The following FGF13 variants were observed in gnomAD, a reference collection of about 807,000 sequenced individuals.
FGF13 encodes the protein fibroblast growth factor 13.
In FGF13, 2 loss-of-function variants were observed where a neutral mutation model predicts 19.5. The observed-to-expected ratio is 0.10, with a 90% confidence interval of 0.04 to 0.32. FGF13 has a LOEUF of 0.32. Ranked by LOEUF, FGF13 falls within the 10% of genes least tolerant of loss-of-function variation. The pLI, the probability that FGF13 is intolerant of heterozygous loss-of-function variation, is 1.00. For missense variants in FGF13, 113 were observed against 192.7 expected, an observed-to-expected ratio of 0.59 and a Z score of 2.45; for synonymous variants, 72 against 76.9, an observed-to-expected ratio of 0.94 and a Z score of 0.33.
At chrX:138,905,699 C>T (rs1166204993) in intron 1 of FGF13, among the ~76,000 whole-genome samples, 3 of 112,447 alleles carry the variant, frequency 2.7e-5, no homozygotes, top group African/African-American at 6.5e-5. Context: ...GAAGCCCTGA[C>T]ATGCTCTGGC....
At chrX:139,033,966 G>A (rs2092241220) in intron 1 of FGF13, among the ~76,000 whole-genome samples, 1 of 111,760 alleles carries the variant, frequency 8.9e-6, no homozygotes, top group African/African-American at 3.2e-5. Flanking sequence ...GTAATGTCCA[G>A]CTACAGGGTC....
Position 138,619,178 on chromosome X carries a change from A to G in FGF13, c.*13672T>C, listed in dbSNP as rs1435174246. ...TGCTACATGAGAACACAGACAAAGA[A>G]GTCAGTAGAATCAGGAAAACAATGT... is the stretch of plus-strand genomic sequence containing the variant. On this transcript the variant is annotated 3_prime_UTR_variant, in exon 5 of 5. Transcript: ENST00000315930. 8.9e-6 allele frequency: 1 copy of G among 112,108 alleles called. No homozygotes were observed. Among genetic ancestry groups the G allele is most frequent in the Non-Finnish European group, 1.9e-5 (1 of 53,342 alleles). The allele number at this position is 112,108 out of a possible 1,213,427, so 9.2% of individuals were successfully genotyped here. A position where few individuals can be genotyped will look rare whatever the true frequency, so the allele number is the denominator to read the frequency against.
At position 139,034,768 on chromosome X, in the gene FGF13, G is replaced by GA. The variant is rs765867596; in HGVS notation, c.-113+168647dup. ...TCTTCTAAGGATAGATGAATGCTCT[G>GA]AAAAAATCAAAGGTTTTGTGATGTT... On this transcript the variant is annotated intron_variant, in intron 1 of 2. Transcript: ENST00000421460. 8.9e-5 allele frequency among the ~76,000 whole-genome samples: 10 copies of GA among 111,815 alleles called. No homozygotes were observed. The South Asian group carries it at 2.6e-3, about 29-fold the overall frequency.
At chrX:139,031,209 A>G in intron 1 of FGF13, among the ~76,000 whole-genome samples, 1 of 105,180 alleles carries the variant, frequency 9.5e-6, no homozygotes, top group African/African-American at 3.5e-5. Flanking sequence ...CTGGATTTTG[A>G]GGCAAAAAAA....
At chrX:138,741,812 C>G (rs2090320270), upstream of FGF13, among the ~76,000 whole-genome samples, 1 of 111,980 alleles carries the variant, frequency 8.9e-6, no homozygotes, top group African/African-American at 3.2e-5. Flanking sequence ...CTCACCTGTT[C>G]TATTTAGCAT....
At chrX:138,951,763 C>A (rs1254743442) in intron 1 of FGF13, among the ~76,000 whole-genome samples, 2 of 111,757 alleles carry the variant, frequency 1.8e-5, no homozygotes, top group Non-Finnish European at 3.8e-5. Flanking sequence ...GGTGCATACA[C>A]AACTCTCATA....
At chrX:139,104,220 A>G (rs915598237) in intron 1 of FGF13, among the ~76,000 whole-genome samples, 1 of 111,289 alleles carries the variant, frequency 9.0e-6, no homozygotes, top group Non-Finnish European at 1.9e-5. Flanking sequence ...ACAATAATAG[A>G]GAGGGTGAAG....
intron 1 of FGF13, among the ~76,000 whole-genome samples, chrX:138,933,028 G>C (rs760717507): frequency 2.2e-4 from 24 of 111,541 alleles, no homozygotes; most frequent in Non-Finnish European, 4.0e-4. Context: ...TGTTCTGTCT[G>C]TAAAAGAGAG....
chrX:139,150,503 C>T (rs2083926067), intron 1 of FGF13, among the ~76,000 whole-genome samples: 1 of 111,850 alleles, frequency 8.9e-6, no homozygotes, highest in South Asian at 3.7e-4. Flanking sequence ...AAAGAGAAGG[C>T]TTTGTTTGGA....
chrX:138,963,600 C>T (rs2091883535), intron 1 of FGF13, among the ~76,000 whole-genome samples: 1 of 112,275 alleles, frequency 8.9e-6, no homozygotes, highest in African/African-American at 3.2e-5. Flanking sequence ...GCAAGGAGAA[C>T]ATAAACCAAA....
upstream of FGF13, among the ~76,000 whole-genome samples, chrX:138,741,612 G>A (rs1281969962): frequency 9.0e-6 from 1 of 111,214 alleles, no homozygotes; most frequent in African/African-American, 3.3e-5. Flanking sequence ...CTCGTCATCA[G>A]AGTGGCTGGT....
chrX:138,816,452 G>T (rs1393076232), intron 3 of FGF13, among the ~76,000 whole-genome samples: 2 of 111,972 alleles, frequency 1.8e-5, no homozygotes, highest in Non-Finnish European at 3.8e-5. Flanking sequence ...CCCAGCAATC[G>T]CACTCATCAG....
chrX:138,624,175 T>C lies in FGF13; in HGVS notation c.*8675A>G, dbSNP rs950816481. On this transcript the variant is annotated 3_prime_UTR_variant, in exon 5 of 5. Transcript: ENST00000315930. ...TAGAACATTTCCTGATTTCAAATTA[T>C]ATTGTAAAGCTATAGTAATCAAAAC... 8.9e-6 allele frequency: 1 copy of C among 111,925 alleles called. No individual in the cohort carries two copies. The highest frequency in any genetic ancestry group is 1.9e-5 in the Non-Finnish European group (1 of 53,178). The allele number at this position is 111,925 out of a possible 1,213,427, so 9.2% of individuals were successfully genotyped here.
chrX:138,834,504 T>A (rs1419040977), intron 3 of FGF13, among the ~76,000 whole-genome samples: 1 of 110,877 alleles, frequency 9.0e-6, no homozygotes, highest in Non-Finnish European at 1.9e-5. Flanking sequence ...ATCCCTCTTG[T>A]CATTTCTGAT....
At chrX:139,035,495 T>C (rs1183520650) in intron 1 of FGF13, among the ~76,000 whole-genome samples, 1 of 111,488 alleles carries the variant, frequency 9.0e-6, no homozygotes, top group Non-Finnish European at 1.9e-5. Context: ...AATAACAAAA[T>C]TCCAAATACT....
At chrX:138,862,024 AAAGT>A (rs1221386580) in intron 2 of FGF13, among the ~76,000 whole-genome samples, 1 of 111,956 alleles carries the variant, frequency 8.9e-6, no homozygotes, top group African/African-American at 3.2e-5. Flanking sequence ...ATAAATAAAT[AAAGT>A]AAGACAACTT....
intron 1 of FGF13, among the ~76,000 whole-genome samples, chrX:139,190,874 G>A (rs1025805232): frequency 2.1e-4 from 24 of 111,905 alleles, no homozygotes; most frequent in Admixed American, 1.7e-3. Flanking sequence ...TCAACAAGAG[G>A]CCTCTAGGCT....
intron 1 of FGF13, among the ~76,000 whole-genome samples, chrX:138,872,060 C>T (rs1053211066): frequency 8.9e-6 from 1 of 111,888 alleles, no homozygotes; most frequent in African/African-American, 3.2e-5. Flanking sequence ...ATCTAAGCAA[C>T]AGGTGACAGT....
At chrX:139,129,178 C>T (rs865773747) in intron 1 of FGF13, among the ~76,000 whole-genome samples, 6 of 72,144 alleles carry the variant, frequency 8.3e-5, no homozygotes, top group Non-Finnish European at 1.8e-4. Context: ...CACACACACA[C>T]ACATGTGTGT....
Sources: gnomAD v4.1 joint callset for allele counts (sites outside exome capture counted in the v4.1 genomes callset) on GRCh38, gnomAD v4.1.1 for gene constraint, MANE v1.5 for transcripts, NCBI Gene and HGNC (gene_info 2026-07-23, HGNC 2026-07-21) for gene names.